ALDH7A1: variants seen among roughly 807,000 people sequenced by gnomAD.
ALDH7A1 encodes alpha-aminoadipic semialdehyde dehydrogenase.
A neutral mutation model predicts 79.9 loss-of-function variants in ALDH7A1; 63 were observed. The ratio of observed to expected loss-of-function variants is 0.79; its 90% CI spans 0.64 to 0.97. The LOEUF (loss-of-function observed/expected upper bound fraction) is 0.97, where lower values mean the gene tolerates loss of function less well. Ranked by LOEUF, ALDH7A1 falls within the 50% of genes least tolerant of loss-of-function variation. The pLI, the probability that ALDH7A1 is intolerant of heterozygous loss-of-function variation, is 0.00. For missense variants in ALDH7A1, 627 were observed against 665.2 expected (o/e 0.94, Z 0.63); for synonymous variants, 240 against 231.2 (o/e 1.04, Z -0.34).
intron 9 of ALDH7A1, chr5:126,562,343 C>G (rs149446256): frequency 2.0e-5 from 3 of 151,472 alleles, no homozygotes; most frequent in African/African-American, 7.3e-5. Flanking sequence ...GCTGGGACAA[C>G]AGGCATGCAC....
intron 7 of ALDH7A1, among the ~76,000 whole-genome samples, chr5:126,572,720 G>A (rs1322759573): frequency 6.6e-6 from 1 of 152,132 alleles, no homozygotes; most frequent in Non-Finnish European, 1.5e-5. Context: ...AAGAGATTTT[G>A]GTTTCTGTGG....
Position 126,550,204 on chromosome 5 carries a change from G to C in ALDH7A1, c.1407C>G (p.Arg469=), listed in dbSNP as rs759234889. 1 of 1,612,538 alleles carries C rather than the reference G, an allele frequency of 6.2e-7. No homozygotes were observed. Among genetic ancestry groups the C allele is most frequent in the South Asian group, 1.1e-5 (1 of 90,998 alleles). ...AATAGACAAAGTTGTACCCAAGCCAGCGAAAGATTCTGCCCAGATCTTTGG... is the reference window on the plus strand; with the variant it reads ...AATAGACAAAGTTGTACCCAAGCCACCGAAAGATTCTGCCCAGATCTTTGG... ...IFTKDLGRIF[R]WLGPKGSDCG... Residue 469 remains arginine (R), a synonymous_variant, in exon 15 of 18, where the codon CGC becomes CGG. Transcript: ENST00000409134.
chr5:126,581,836 G>GGT (rs1388759346), intron 5 of ALDH7A1: 2 of 222,156 alleles, frequency 9.0e-6, no homozygotes, highest in Non-Finnish European at 1.7e-5. Context: ...AAATTAGCCG[G>GGT]GTGTGATGGT....
chr5:126,578,638 CAAAAAAAAAAAA>C, intron 5 of ALDH7A1, among the ~76,000 whole-genome samples: 1 of 90,398 alleles, frequency 1.1e-5, no homozygotes, highest in East Asian at 3.3e-4. Flanking sequence ...GACCCTGTAT[CAAAAAAAAAAAA>C]AAAAAGAAAG....
At position 126,549,073 on chromosome 5, in the gene ALDH7A1, C is replaced by CAA. The variant is rs58433570; in HGVS notation, c.1489+854_1489+855dup. On this transcript the variant is annotated intron_variant, in intron 16 of 17. Transcript: ENST00000409134. ...TGGGCAACATAGCAAGCCCCCAGCT[C>CAA]AAAAAAAAAAAAAAAAAAAAAAAAA... is the stretch of plus-strand genomic sequence containing the variant. Among the ~76,000 whole-genome samples the CAA allele has an allele frequency of 1.7e-4, 12 of 69,854 alleles. 1 individual carries two copies. Among genetic ancestry groups the CAA allele is most frequent in the East Asian group, 3.3e-4 (1 of 3,006 alleles). 45.8% of individuals were successfully genotyped at this position (69,854 alleles called of 152,430 possible).
At chr5:126,562,960 G>A (rs140118047) in intron 9 of ALDH7A1, among the ~76,000 whole-genome samples, 1 of 152,130 alleles carries the variant, frequency 6.6e-6, no homozygotes, top group African/African-American at 2.4e-5. Flanking sequence ...GAAGTAGAAG[G>A]GTGGCTACCA....
chr5:126,573,110 T>G (rs1484066733), intron 7 of ALDH7A1, among the ~76,000 whole-genome samples: 1 of 115,716 alleles, frequency 8.6e-6, no homozygotes, highest in African/African-American at 3.9e-5. Context: ...CTTCAACCAT[T>G]TAAAGCAAAA....
chr5:126,552,182 T>G lies in ALDH7A1; in HGVS notation c.1201-45A>C, dbSNP rs756159837. 3.3e-6 allele frequency: 5 copies of G among 1,517,934 alleles called. No homozygotes were observed. In the Admixed American group the frequency reaches 8.4e-5, roughly 25 times the overall value. 94.0% of individuals were successfully genotyped at this position (1,517,934 alleles called of 1,614,324 possible). A position where few individuals can be genotyped will look rare whatever the true frequency, so the allele number is the denominator to read the frequency against. ...TAAAAAGAATGAAAGCATTTTGTTT[T>G]CTAGGACTTGGGGTCAGAGGATGCA... On this transcript the variant is annotated intron_variant, in intron 13 of 17. Transcript: ENST00000409134.
intron 7 of ALDH7A1, among the ~76,000 whole-genome samples, chr5:126,572,398 T>C (rs7709115): frequency 0.2 from 30,637 of 152,148 alleles, 5,717 homozygotes; most frequent in African/African-American, 0.5. Flanking sequence ...TAGACTGTAC[T>C]CTCTTTAAGG....
chr5:126,560,598 G>A (rs1387702543), intron 10 of ALDH7A1, among the ~76,000 whole-genome samples: 1 of 151,994 alleles, frequency 6.6e-6, no homozygotes, highest in African/African-American at 2.4e-5. Context: ...TTAAAAAAGA[G>A]CATAAGTAAT....
At chr5:126,578,624 G>GT (rs1292033637) in intron 5 of ALDH7A1, among the ~76,000 whole-genome samples, 1 of 125,984 alleles carries the variant, frequency 7.9e-6, no homozygotes, top group Non-Finnish European at 1.6e-5. Context: ...GGACAACAGA[G>GT]TAAGACCCTG....
Position 126,550,010 on chromosome 5 carries a change from A to G in ALDH7A1, c.1416-8T>C. ...CAGTCTGATCCTTTAGGTCTGTGTA[A>G]AAAGGGAGGCATGGTGAGAGCAATG... On this transcript the variant is annotated splice_polypyrimidine_tract_variant and splice_region_variant and intron_variant, in intron 15 of 17. Transcript: ENST00000409134. 1 of 1,613,744 alleles carries G rather than the reference A, an allele frequency of 6.2e-7. No homozygotes were observed. Among genetic ancestry groups the G allele is most frequent in the Non-Finnish European group, 8.5e-7 (1 of 1,179,632 alleles).
chr5:126,548,727 A>G (rs1007780048), intron 16 of ALDH7A1, among the ~76,000 whole-genome samples: 15 of 152,028 alleles, frequency 9.9e-5, no homozygotes, highest in Middle Eastern at 3.4e-3. Context: ...GTGCCTGGGC[A>G]CCAAAACTTT....
chr5:126,552,211 T>C, intron 13 of ALDH7A1, 74 bp from the exon 14 acceptor site: 1 of 1,079,910 alleles, frequency 9.3e-7, no homozygotes, highest in East Asian at 2.4e-5. Context: ...GGATGCAATC[T>C]TTGCCTACAT....
chr5:126,548,486 G>C (rs532825962), intron 16 of ALDH7A1, among the ~76,000 whole-genome samples: 1 of 151,420 alleles, frequency 6.6e-6, no homozygotes, highest in Non-Finnish European at 1.5e-5. Flanking sequence ...GAGTGCACTG[G>C]CACAATCTTG....
At chr5:126,558,543 G>T (rs920937129) in intron 11 of ALDH7A1, among the ~76,000 whole-genome samples, 1 of 152,134 alleles carries the variant, frequency 6.6e-6, no homozygotes, top group Admixed American at 6.5e-5. Context: ...TTGAGACAGG[G>T]TCTTGCCCTG....
At chr5:126,571,042 A>G in intron 7 of ALDH7A1, 183 bp from the exon 8 acceptor site, 1 of 617,496 alleles carries the variant, frequency 1.6e-6, no homozygotes, top group African/African-American at 1.8e-5. Context: ...ATGGACTTCT[A>G]ACATTAAGAA....
At chr5:126,550,654 C>T (rs7703958) in intron 14 of ALDH7A1, among the ~76,000 whole-genome samples, 1,593 of 146,168 alleles carry the variant, frequency 0.011, 34 homozygotes, top group African/African-American at 0.037. Context: ...CCTACTACCT[C>T]CCAATTTACA....
At chr5:126,580,619 A>G (rs1751140092) in intron 5 of ALDH7A1, among the ~76,000 whole-genome samples, 1 of 152,334 alleles carries the variant, frequency 6.6e-6, no homozygotes, top group South Asian at 2.1e-4. Flanking sequence ...TTTCCTTATT[A>G]TAAATGTAAC....
Sources: gnomAD v4.1 joint callset for allele counts (sites outside exome capture counted in the v4.1 genomes callset) on GRCh38, gnomAD v4.1.1 for gene constraint, MANE v1.5 for transcripts, NCBI Gene and HGNC (gene_info 2026-07-23, HGNC 2026-07-21) for gene names.